Variants in NDUFA3 observed in about 807,000 individuals in gnomAD.
The protein encoded by NDUFA3 is NADH:ubiquinone oxidoreductase subunit A3, also known as NADH dehydrogenase [ubiquinone] 1 alpha subcomplex subunit 3.
In NDUFA3, 10 loss-of-function variants were observed where a neutral mutation model predicts 11.4. The observed-to-expected ratio is 0.87, with a 90% confidence interval of 0.54 to 1.48. NDUFA3 has a LOEUF of 1.48. Among genes scored for constraint, NDUFA3 ranks in the 40% most tolerant of loss-of-function variants. The pLI is 0.00. For synonymous variants in NDUFA3, 39 were observed against 46.9 expected (o/e 0.83, Z 0.68); for missense variants, 115 against 110.5 (o/e 1.04, Z -0.18).
chr19:54,107,142 C>T lies in NDUFA3; in HGVS notation c.*240C>T. Reference sequence around the variant, plus strand: ...CTGGAATCCAGGGCCTCATCTGCTTCAAAGCCAAAGTCTTCCTCAACCTTA... The same window carrying T: ...CTGGAATCCAGGGCCTCATCTGCTTTAAAGCCAAAGTCTTCCTCAACCTTA... On this transcript the variant is annotated 3_prime_UTR_variant, in exon 4 of 4. Coordinates refer to ENST00000485876, the MANE Select transcript of NDUFA3 (RefSeq NM_004542.4). 1 of 1,613,962 alleles carries T rather than the reference C, an allele frequency of 6.2e-7. No homozygotes were observed. The highest frequency in any genetic ancestry group is 8.5e-7 in the Non-Finnish European group (1 of 1,179,976).
chr19:54,105,830 C>G, intron 2 of NDUFA3, 104 bp from the exon 3 acceptor site: 3 of 941,282 alleles, frequency 3.2e-6, no homozygotes, highest in Non-Finnish European at 5.2e-6. Context: ...CTCCCTGCTG[C>G]CCTCCCCCTG....
chr19:54,107,071 C>G lies in NDUFA3; in HGVS notation c.*169C>G, dbSNP rs772549976. 2 of 1,613,780 alleles carry G rather than the reference C, an allele frequency of 1.2e-6. No individual in the cohort carries two copies. The highest frequency in any genetic ancestry group is 1.7e-6 in the Non-Finnish European group (2 of 1,179,932). On this transcript the variant is annotated 3_prime_UTR_variant, in exon 4 of 4. Transcript: ENST00000485876. ...TGCGTCAGTCAGAGGCTGGGCTGGC[C>G]AGGGTCGGGTAGGGCAGCAGTTTGT...
At chr19:54,104,570 C>T (rs2073198762) in intron 2 of NDUFA3, among the ~76,000 whole-genome samples, 1 of 152,128 alleles carries the variant, frequency 6.6e-6, no homozygotes, top group African/African-American at 2.4e-5. Context: ...GTATGGCAGC[C>T]ACCAGCCACA....
chr19:54,103,233 C>G lies in NDUFA3; in HGVS notation c.85+45C>G, dbSNP rs767259694. 51 of 1,532,276 alleles carry G rather than the reference C, an allele frequency of 3.3e-5. 1 individual carries two copies. The Admixed American group carries it at 5.5e-4, about 16-fold the overall frequency. The allele number at this position is 1,532,276 out of a possible 1,614,324, so 94.9% of individuals were successfully genotyped here. A position where few individuals can be genotyped will look rare whatever the true frequency, so the allele number is the denominator to read the frequency against. ...GCAAACTTGCATCGTCCACCCCCGT[C>G]CCCCTACATCCCTCCATCTTGTACC... On this transcript the variant is annotated intron_variant, in intron 2 of 3. Coordinates refer to ENST00000485876, the MANE Select transcript of NDUFA3 (RefSeq NM_004542.4).
rs2073288989 is a variant in NDUFA3 at position 54,107,102 on chromosome 19, C to T, written c.*200C>T. The T allele has an allele frequency of 6.2e-7, 1 of 1,613,662 alleles. No individual in the cohort carries two copies. Among genetic ancestry groups the T allele is most frequent in the African/African-American group, 1.3e-5 (1 of 74,794 alleles). On this transcript the variant is annotated 3_prime_UTR_variant, in exon 4 of 4. Coordinates refer to ENST00000485876, the MANE Select transcript of NDUFA3 (RefSeq NM_004542.4). ...CGGGTAGGGCAGCAGTTTGTCTGGA[C>T]CCCGAGAAACCCAACTGGAATCCAG...
chr19:54,106,706 C>T, intron 3 of NDUFA3, 105 bp from the exon 4 acceptor site: 1 of 932,150 alleles, frequency 1.1e-6, no homozygotes, highest in East Asian at 2.8e-5. Context: ...CCCCTCTCAC[C>T]CCTGGGGTCC....
At chr19:54,104,853 C>T (rs2073208011) in intron 2 of NDUFA3, among the ~76,000 whole-genome samples, 1 of 151,950 alleles carries the variant, frequency 6.6e-6, no homozygotes, top group African/African-American at 2.4e-5. Flanking sequence ...ATTCTCCTGT[C>T]TCAGCCTCCT....
In NDUFA3 at chr19:54,107,373, C is replaced by T. The variant is rs1189146935; in HGVS notation, c.*471C>T. 2.5e-5 allele frequency: 16 copies of T among 652,574 alleles called. No individual in the cohort carries two copies. The highest frequency in any genetic ancestry group is 4.1e-5 in the Non-Finnish European group (16 of 393,424). The allele number at this position is 652,574 out of a possible 1,614,324, so 40.4% of individuals were successfully genotyped here. A position where few individuals can be genotyped will look rare whatever the true frequency, so the allele number is the denominator to read the frequency against. The stretch of plus-strand genomic sequence containing the variant: ...AAGTGATCCTCCCACCTCAGCTTCC[C>T]AAGTAGCTGGGACTACAGGCACTTG... On this transcript the variant is annotated 3_prime_UTR_variant, in exon 4 of 4. Coordinates refer to ENST00000485876, the MANE Select transcript of NDUFA3 (RefSeq NM_004542.4).
Position 54,106,570 on chromosome 19 carries a change from T to C in NDUFA3, c.164-241T>C, listed in dbSNP as rs587670206. On this transcript the variant is annotated intron_variant, in intron 3 of 3. Transcript: ENST00000485876. ...CATCTTCTCAGGTTTCTGTCCTGTT[T>C]CCCCATCTCTTTTGACCCTAGCTCT... 10 of 465,494 alleles carry C rather than the reference T, an allele frequency of 2.1e-5. No homozygotes were observed. In the South Asian group the frequency reaches 4.6e-4, roughly 21 times the overall value. The allele number at this position is 465,494 out of a possible 1,614,324, so 28.8% of individuals were successfully genotyped here. A position where few individuals can be genotyped will look rare whatever the true frequency, so the allele number is the denominator to read the frequency against.
intron 2 of NDUFA3, 101 bp from the exon 3 acceptor site, chr19:54,105,833 T>A: frequency 1.0e-6 from 1 of 970,996 alleles, no homozygotes. Flanking sequence ...CCTGCTGCCC[T>A]CCCCCTGCGC....
In NDUFA3 at chr19:54,107,234, C is replaced by G; in HGVS notation, c.*332C>G. 1 of 1,574,000 alleles carries G rather than the reference C, an allele frequency of 6.4e-7. No individual in the cohort carries two copies. The highest frequency in any genetic ancestry group is 8.6e-7 in the Non-Finnish European group (1 of 1,161,020). On this transcript the variant is annotated 3_prime_UTR_variant, in exon 4 of 4. Transcript: ENST00000485876. ...ATCTAGAAAATCCCATCAGCTTCAC[C>G]ATTTTTGTTTTCATTTTGTTTTGCT...
rs587748485 is a variant in NDUFA3, at chr19:54,107,105, C to T, written c.*203C>T. 8.0e-5 allele frequency: 129 copies of T among 1,613,844 alleles called. No homozygotes were observed. In the East Asian group the frequency reaches 9.1e-4, roughly 11 times the overall value. Reference sequence around the variant, plus strand: ...GTAGGGCAGCAGTTTGTCTGGACCCCGAGAAACCCAACTGGAATCCAGGGC... The same window carrying T: ...GTAGGGCAGCAGTTTGTCTGGACCCTGAGAAACCCAACTGGAATCCAGGGC... On this transcript the variant is annotated 3_prime_UTR_variant, in exon 4 of 4. Transcript: ENST00000485876.
At chr19:54,105,649 A>T in intron 2 of NDUFA3, 1 of 652,524 alleles carries the variant, frequency 1.5e-6, no homozygotes, top group Non-Finnish European at 2.9e-6. Context: ...CTACACTCAA[A>T]CGTGCTCATT....
Position 54,103,208 on chromosome 19 carries a change from G to T in NDUFA3, c.85+20G>T, listed in dbSNP as rs771244490. 4.4e-6 allele frequency: 7 copies of T among 1,576,726 alleles called. No homozygotes were observed. The highest frequency in any genetic ancestry group is 3.5e-5 in the Admixed American group (2 of 56,638). The stretch of plus-strand genomic sequence containing the variant: ...GCCTCGGTGCGTGAGTGCTCCAGGC[G>T]CAAACTTGCATCGTCCACCCCCGTC... On this transcript the variant is annotated intron_variant, in intron 2 of 3. Transcript: ENST00000485876.
chr19:54,103,308 C>G (rs2073148041), intron 2 of NDUFA3, 120 bp downstream of exon 2: 1 of 988,106 alleles, frequency 1.0e-6, no homozygotes, highest in Admixed American at 3.0e-5. Flanking sequence ...GTCTGCACCC[C>G]CACGGCATCC....
At chr19:54,104,733 TTTTG>T (rs1429200620) in intron 2 of NDUFA3, among the ~76,000 whole-genome samples, 14 of 114,320 alleles carry the variant, frequency 1.2e-4, no homozygotes, top group South Asian at 2.7e-4. Context: ...CTATGGTTTT[TTTTG>T]TTTGTTTGTT....
Position 54,107,184 on chromosome 19 carries a change from G to A in NDUFA3, c.*282G>A, listed in dbSNP as rs773591725. 6 of 1,609,322 alleles carry A rather than the reference G, an allele frequency of 3.7e-6. No individual in the cohort carries two copies. The highest frequency in any genetic ancestry group is 3.4e-5 in the Admixed American group (2 of 58,172). ...TCAACCTTAATCTGCAGGAGATAAGGAACAAGGTGTTAACAGGCCTGGGAA... is the reference window on the plus strand; with the variant it reads ...TCAACCTTAATCTGCAGGAGATAAGAAACAAGGTGTTAACAGGCCTGGGAA... On this transcript the variant is annotated 3_prime_UTR_variant, in exon 4 of 4. Transcript: ENST00000485876.
intron 2 of NDUFA3, chr19:54,105,639 C>T: frequency 3.1e-6 from 2 of 643,208 alleles, no homozygotes; most frequent in South Asian, 3.0e-5. Flanking sequence ...CATGATGACC[C>T]TACACTCAAA....
In NDUFA3 at chr19:54,107,462, A is replaced by T. The variant is rs2073304061; in HGVS notation, c.*560A>T. ...TGGGGTCTCAGTATGTTGCTCAGGC[A>T]GGTCTCAGACTCCTGGCCTCAAGTG... On this transcript the variant is annotated 3_prime_UTR_variant, in exon 4 of 4. Transcript: ENST00000485876. The T allele has an allele frequency of 4.9e-6, 2 of 408,376 alleles. No individual in the cohort carries two copies. The highest frequency in any genetic ancestry group is 8.9e-6 in the Non-Finnish European group (2 of 225,234). 25.3% of individuals were successfully genotyped at this position (408,376 alleles called of 1,614,324 possible). A position where few individuals can be genotyped will look rare whatever the true frequency, so the allele number is the denominator to read the frequency against.
Sources: gnomAD v4.1 joint callset for allele counts (sites outside exome capture counted in the v4.1 genomes callset) on GRCh38, gnomAD v4.1.1 for gene constraint, MANE v1.5 for transcripts, NCBI Gene and HGNC (gene_info 2026-07-23, HGNC 2026-07-21) for gene names.